PRKN: variants seen among roughly 807,000 people sequenced by gnomAD.
PRKN encodes the protein E3 ubiquitin-protein ligase parkin.
A neutral mutation model predicts 59.5 loss-of-function variants in PRKN; 56 were observed. The ratio of observed to expected loss-of-function variants is 0.94; its 90% CI spans 0.76 to 1.18. PRKN has a LOEUF of 1.18. PRKN is among the 50% of genes most tolerant of loss of function. The probability of loss-of-function intolerance (pLI) is 0.00; values close to 1 mark genes in which losing one functional copy is unlikely to be tolerated. For missense variants in PRKN, 657 were observed against 596.4 expected (o/e 1.10, Z -1.06); for synonymous variants, 250 against 222.1 (o/e 1.13, Z -1.12).
At chr6:162,534,909 C>G (rs1778656045) in intron 1 of PRKN, among the ~76,000 whole-genome samples, 1 of 152,126 alleles carries the variant, frequency 6.6e-6, no homozygotes, top group Non-Finnish European at 1.5e-5. Flanking sequence ...TGACCCCCTG[C>G]CTTCCCATCA....
intron 4 of PRKN, among the ~76,000 whole-genome samples, chr6:162,098,002 C>T (rs1779811920): frequency 6.6e-6 from 1 of 152,192 alleles, no homozygotes; most frequent in Non-Finnish European, 1.5e-5. Context: ...GTCAGCATCA[C>T]ATTGCACAAC....
chr6:162,532,587 C>T (rs142512296), intron 1 of PRKN, among the ~76,000 whole-genome samples: 2,931 of 152,220 alleles, frequency 0.019, 85 homozygotes, highest in Admixed American at 0.042. Flanking sequence ...TAGCACCCTG[C>T]CCACTCTGTT....
At chr6:161,836,949 T>C (rs569761107) in intron 6 of PRKN, among the ~76,000 whole-genome samples, 15 of 152,284 alleles carry the variant, frequency 9.9e-5, no homozygotes, top group African/African-American at 3.4e-4. Flanking sequence ...TTGGCTCACC[T>C]TGCAAGAGGG....
At chr6:162,146,679 GT>G (rs1307727045) in intron 4 of PRKN, among the ~76,000 whole-genome samples, 4 of 151,708 alleles carry the variant, frequency 2.6e-5, no homozygotes, top group African/African-American at 9.7e-5. Context: ...TAATTTTTGT[GT>G]TTTTAGTAGA....
chr6:162,058,675 G>A (rs1042505984), intron 4 of PRKN, among the ~76,000 whole-genome samples: 4 of 152,158 alleles, frequency 2.6e-5, no homozygotes, highest in South Asian at 2.1e-4. Flanking sequence ...CTAATAGGCC[G>A]GGCATGGTGG....
At chr6:162,186,592 C>T (rs1435748832) in intron 4 of PRKN, among the ~76,000 whole-genome samples, 5 of 152,080 alleles carry the variant, frequency 3.3e-5, no homozygotes, top group Admixed American at 3.3e-4. Context: ...GTGTCCCCAC[C>T]CAAATCTCAT....
At chr6:162,201,374 T>C (rs1393708138) in intron 3 of PRKN, 122 bp from the exon 4 acceptor site, 1 of 847,212 alleles carries the variant, frequency 1.2e-6, no homozygotes, top group African/African-American at 1.7e-5. Flanking sequence ...TTTTGAAACA[T>C]TACTGGAATA....
chr6:162,645,164 C>T (rs546920882), intron 1 of PRKN, among the ~76,000 whole-genome samples: 6 of 152,144 alleles, frequency 3.9e-5, no homozygotes, highest in African/African-American at 1.4e-4. Context: ...GACTACTATT[C>T]TATTGAATAC....
intron 1 of PRKN, among the ~76,000 whole-genome samples, chr6:162,481,246 A>C (rs1336027814): frequency 6.6e-6 from 1 of 152,220 alleles, no homozygotes; most frequent in African/African-American, 2.4e-5. Flanking sequence ...CTTCAGATTT[A>C]TAATAGCAAA....
chr6:162,011,159 C>A (rs1488954836), intron 5 of PRKN, among the ~76,000 whole-genome samples: 1 of 5,098 alleles, frequency 2.0e-4, no homozygotes, highest in East Asian at 7.0e-3. Context: ...ATAATATATA[C>A]TATATTATAT....
At chr6:161,733,050 GA>G (rs1429267871) in intron 7 of PRKN, among the ~76,000 whole-genome samples, 1 of 152,024 alleles carries the variant, frequency 6.6e-6, no homozygotes, top group Non-Finnish European at 1.5e-5. Flanking sequence ...AAAACAAAAA[GA>G]AAAACGGATT....
chr6:162,069,565 CCTTT>C (rs1442727020), intron 4 of PRKN, among the ~76,000 whole-genome samples: 3 of 152,058 alleles, frequency 2.0e-5, no homozygotes, highest in Non-Finnish European at 4.4e-5. Flanking sequence ...TGTATATATT[CCTTT>C]CTAACTTGAA....
chr6:162,355,703 T>G (rs1784827480), intron 2 of PRKN, among the ~76,000 whole-genome samples: 1 of 146,050 alleles, frequency 6.8e-6, no homozygotes, highest in Non-Finnish European at 1.5e-5. Flanking sequence ...TATTTCCTTT[T>G]GAACCAAATT....
At chr6:162,508,868 A>AC (rs59010056) in intron 1 of PRKN, among the ~76,000 whole-genome samples, 8,391 of 152,074 alleles carry the variant, frequency 0.055, 766 homozygotes, top group African/African-American at 0.19. Context: ...CAAAAAACAA[A>AC]AAACAAACAA....
intron 9 of PRKN, among the ~76,000 whole-genome samples, chr6:161,431,318 A>G (rs999828234): frequency 2.6e-5 from 4 of 152,118 alleles, no homozygotes; most frequent in African/African-American, 9.7e-5. Flanking sequence ...TCTTTCAAAC[A>G]TAACAAATGT....
At chr6:161,404,223 A>G (rs186571642) in intron 9 of PRKN, among the ~76,000 whole-genome samples, 25 of 152,186 alleles carry the variant, frequency 1.6e-4, no homozygotes, top group African/African-American at 5.5e-4. Context: ...CTCTCACCCC[A>G]TGTGTTCTGA....
intron 1 of PRKN, among the ~76,000 whole-genome samples, chr6:162,529,691 A>C (rs1360197574): frequency 2.0e-5 from 3 of 152,176 alleles, no homozygotes; most frequent in South Asian, 2.1e-4. Flanking sequence ...CCCAGGGCTT[A>C]TATACCCTAG....
chr6:162,405,516 T>C (rs1225271359), intron 2 of PRKN, among the ~76,000 whole-genome samples: 2 of 152,168 alleles, frequency 1.3e-5, no homozygotes, highest in South Asian at 2.1e-4. Context: ...GGAATGCAGA[T>C]GCCAGGTGCT....
Position 162,078,376 on chromosome 6 carries a change from A to C in PRKN, c.535-24202T>G, listed in dbSNP as rs149357361. Among the ~76,000 whole-genome samples the C allele has an allele frequency of 1.3e-3, 195 of 152,230 alleles. 2 individuals are homozygous for C. Among genetic ancestry groups the C allele is most frequent in the Non-Finnish European group, 8.5e-4 (58 of 68,032 alleles). On this transcript the variant is annotated intron_variant, in intron 4 of 11. Coordinates refer to ENST00000366898, the MANE Select transcript of PRKN (RefSeq NM_004562.3). ...TGAAACATGCCATATTAATACATTT[A>C]TTCATAGAAGTATTAGTAATTGTGA...
Sources: allele counts gnomAD v4.1 joint callset (sites outside exome capture counted in the v4.1 genomes callset), GRCh38; gene constraint gnomAD v4.1.1; transcripts MANE v1.5; gene names NCBI Gene and HGNC (gene_info 2026-07-23, HGNC 2026-07-21).